Variants in RALYL observed in about 807,000 individuals in gnomAD.
The protein encoded by RALYL is RNA-binding Raly-like protein.
A neutral mutation model predicts 35.1 loss-of-function variants in RALYL; 29 were observed. The observed-to-expected ratio is 0.83, with a 90% CI of 0.61 to 1.13. The LOEUF (loss-of-function observed/expected upper bound fraction) is 1.13. Ranked by LOEUF, RALYL falls within the 50% of genes most tolerant of loss-of-function variation. The probability of loss-of-function intolerance (pLI) is 0.00; values close to 1 mark genes in which losing one functional copy is unlikely to be tolerated. For synonymous variants in RALYL, 120 were observed against 127.6 expected (o/e 0.94, Z 0.40); for missense variants, 359 against 360.4 (o/e 1.00, Z 0.03).
rs796163632 is a variant in RALYL at position 84,409,945 on chromosome 8, G to A, written c.-23-119354G>A. On this transcript the variant is annotated intron_variant, in intron 1 of 8. Coordinates refer to ENST00000521268, the MANE Select transcript of RALYL (RefSeq NM_173848.7). Reference sequence around the variant, plus strand: ...ACAAATGACATGTCATTATTTGACCGAGAATGGAACTAAACCCAAAAATGG... The same window carrying A: ...ACAAATGACATGTCATTATTTGACCAAGAATGGAACTAAACCCAAAAATGG... Among the ~76,000 whole-genome samples the A allele has an allele frequency of 4.0e-5, 6 of 151,860 alleles. No homozygotes were observed. In the South Asian group the frequency reaches 6.3e-4, roughly 16 times the overall value.
intron 1 of RALYL, among the ~76,000 whole-genome samples, chr8:84,204,209 A>G (rs189536570): frequency 1.1e-4 from 16 of 152,230 alleles, no homozygotes; most frequent in African/African-American, 3.4e-4. Context: ...AAAGATCTGA[A>G]TAAATATTGG....
At chr8:84,536,812 A>G (rs559702583) in intron 2 of RALYL, among the ~76,000 whole-genome samples, 1 of 152,290 alleles carries the variant, frequency 6.6e-6, no homozygotes, top group South Asian at 2.1e-4. Flanking sequence ...CAAAACTTCC[A>G]CTCTCGAAGA....
intron 1 of RALYL, among the ~76,000 whole-genome samples, chr8:84,219,569 G>A (rs924163419): frequency 1.0e-4 from 15 of 150,136 alleles, no homozygotes; most frequent in African/African-American, 2.0e-4. Context: ...CGTATTAAGT[G>A]TAACTTAAAA....
chr8:84,776,224 G>A (rs1449474742), intron 3 of RALYL, among the ~76,000 whole-genome samples: 1 of 152,086 alleles, frequency 6.6e-6, no homozygotes, highest in African/African-American at 2.4e-5. Context: ...GCCACTTATA[G>A]CCTCATTTTT....
At chr8:84,492,989 G>T (rs1279451893) in intron 1 of RALYL, among the ~76,000 whole-genome samples, 1 of 152,034 alleles carries the variant, frequency 6.6e-6, no homozygotes, top group African/African-American at 2.4e-5. Context: ...TACCATGGTG[G>T]TTTGCTGCAC....
rs902985225 is a variant in RALYL at position 84,819,008 on chromosome 8, C to T, written c.365+14206C>T. Reference sequence around the variant, plus strand: ...CTTTAAATATGCCCATCTAACATCACGGAATTACTAATGGCCAATTCAATG... The same window carrying T: ...CTTTAAATATGCCCATCTAACATCATGGAATTACTAATGGCCAATTCAATG... On this transcript the variant is annotated intron_variant, in intron 4 of 8. Coordinates refer to ENST00000521268, the MANE Select transcript of RALYL (RefSeq NM_173848.7). Among the ~76,000 whole-genome samples the T allele has an allele frequency of 3.9e-5, 6 of 152,024 alleles. No individual in the cohort carries two copies. The East Asian group carries it at 5.8e-4, about 15-fold the overall frequency.
intron 1 of RALYL, among the ~76,000 whole-genome samples, chr8:84,358,897 G>A (rs1444218192): frequency 1.3e-5 from 2 of 151,996 alleles, no homozygotes; most frequent in East Asian, 1.9e-4. Flanking sequence ...TTGGAGAAGT[G>A]CAGAGTTGGA....
rs192221805 is a variant in RALYL at position 84,455,353 on chromosome 8, T to A, written c.-23-73946T>A. Reference sequence around the variant, plus strand: ...AAAACCAGAAAAGTGGCATTATTTTTTTCCAAAAGGAAAAATGAGCTCATT... The same window carrying A: ...AAAACCAGAAAAGTGGCATTATTTTATTCCAAAAGGAAAAATGAGCTCATT... On this transcript the variant is annotated intron_variant, in intron 1 of 8. Transcript: ENST00000521268. Among the ~76,000 whole-genome samples, 173 of 152,116 alleles carry A rather than the reference T, an allele frequency of 1.1e-3. 1 individual carries two copies. The highest frequency in any genetic ancestry group is 3.2e-3 in the African/African-American group (133 of 41,540).
rs201854583 is a variant in RALYL, at chr8:84,422,355, T to C, written c.-23-106944T>C. Among the ~76,000 whole-genome samples, 24 of 128,084 alleles carry C rather than the reference T, an allele frequency of 1.9e-4. No homozygotes were observed. The East Asian group carries it at 1.9e-3, about 10-fold the overall frequency. The allele number at this position is 128,084 out of a possible 152,430, so 84.0% of individuals were successfully genotyped here. A position where few individuals can be genotyped will look rare whatever the true frequency, so the allele number is the denominator to read the frequency against. On this transcript the variant is annotated intron_variant, in intron 1 of 8. Coordinates refer to ENST00000521268, the MANE Select transcript of RALYL (RefSeq NM_173848.7). ...TTGCGTAGAGGTGTTTGTAGTATTC[T>C]CTGATGGTAGTTTGTATTTCTGTGG...
At chr8:84,263,733 G>A (rs1409645180) in intron 1 of RALYL, among the ~76,000 whole-genome samples, 1 of 152,022 alleles carries the variant, frequency 6.6e-6, no homozygotes, top group Non-Finnish European at 1.5e-5. Flanking sequence ...GCATCTATTA[G>A]CTATTTCTCC....
chr8:84,519,841 T>A (rs902576313), intron 1 of RALYL, among the ~76,000 whole-genome samples: 6 of 152,220 alleles, frequency 3.9e-5, no homozygotes, highest in Non-Finnish European at 8.8e-5. Flanking sequence ...AAGGGATCTT[T>A]CCAAATGGGT....
intron 3 of RALYL, among the ~76,000 whole-genome samples, chr8:84,803,234 T>A (rs958535621): frequency 6.6e-6 from 1 of 152,196 alleles, no homozygotes; most frequent in African/African-American, 2.4e-5. Flanking sequence ...ATTTCAAGTA[T>A]TATCAGGTGG....
intron 1 of RALYL, among the ~76,000 whole-genome samples, chr8:84,386,753 G>A (rs1859288949): frequency 1.3e-5 from 2 of 151,900 alleles, no homozygotes; most frequent in Admixed American, 1.3e-4. Flanking sequence ...AAGGAATGTT[G>A]CAAGGCCTTT....
intron 8 of RALYL, among the ~76,000 whole-genome samples, chr8:84,892,131 A>T (rs1367077750): frequency 6.6e-6 from 1 of 152,224 alleles, no homozygotes; most frequent in Non-Finnish European, 1.5e-5. Context: ...CTAGTTCTAA[A>T]TATACACTTA....
intron 2 of RALYL, among the ~76,000 whole-genome samples, chr8:84,669,476 T>TCCCC (rs1303807313): frequency 1.9e-4 from 2 of 10,670 alleles, no homozygotes; most frequent in African/African-American, 3.5e-4. Context: ...CCACATCTTC[T>TCCCC]CCCTCCCCCC....
intron 1 of RALYL, among the ~76,000 whole-genome samples, chr8:84,238,010 A>G (rs1023274035): frequency 1.0e-5 from 1 of 99,394 alleles, no homozygotes; most frequent in African/African-American, 3.0e-5. Context: ...AAACAAAACA[A>G]AAGAAAAAAA....
chr8:84,395,993 G>A (rs1861677245), intron 1 of RALYL, among the ~76,000 whole-genome samples: 1 of 151,206 alleles, frequency 6.6e-6, no homozygotes, highest in Non-Finnish European at 1.5e-5. Context: ...GGAAGTGAAT[G>A]TATTTTTTTA....
chr8:84,771,316 T>C (rs1401981276), intron 2 of RALYL, among the ~76,000 whole-genome samples: 2 of 152,006 alleles, frequency 1.3e-5, no homozygotes, highest in Non-Finnish European at 2.9e-5. Context: ...ATACAATGGG[T>C]ATTTGTGTTT....
intron 2 of RALYL, among the ~76,000 whole-genome samples, chr8:84,586,434 C>T (rs1812030816): frequency 6.6e-6 from 1 of 152,142 alleles, no homozygotes; most frequent in Non-Finnish European, 1.5e-5. Flanking sequence ...CACATCAAGG[C>T]TTAAACTCTG....
Sources: allele counts gnomAD v4.1 joint callset (sites outside exome capture counted in the v4.1 genomes callset), GRCh38; gene constraint gnomAD v4.1.1; transcripts MANE v1.5; gene names NCBI Gene and HGNC (gene_info 2026-07-23, HGNC 2026-07-21).